The following PTPN20 variants were observed in gnomAD, a reference collection of about 807,000 sequenced individuals.
PTPN20 encodes tyrosine-protein phosphatase non-receptor type 20.
PTPN20 carries 9 observed loss-of-function variants against 35.0 expected under a neutral mutation model. The ratio of observed to expected loss-of-function variants is 0.26; its 90% CI spans 0.15 to 0.45. The LOEUF (loss-of-function observed/expected upper bound fraction) is 0.45, where lower values mean the gene tolerates loss of function less well. PTPN20 is among the 20% of genes least tolerant of loss of function. The pLI is 1.00. For synonymous variants in PTPN20, 32 were observed against 100.2 expected (o/e 0.32, Z 4.06); for missense variants, 111 against 312.5 (o/e 0.36, Z 4.86).
In PTPN20 at chr10:47,001,026, G is replaced by A. The variant is rs1314506406; in HGVS notation, c.*285G>A. The A allele has an allele frequency of 4.1e-6, 2 of 492,484 alleles. No individual in the cohort carries two copies. Among genetic ancestry groups the A allele is most frequent in the Non-Finnish European group, 7.4e-6 (2 of 271,658 alleles). The allele number at this position is 492,484 out of a possible 1,614,324, so 30.5% of individuals were successfully genotyped here. A position where few individuals can be genotyped will look rare whatever the true frequency, so the allele number is the denominator to read the frequency against. ...ATTGCAGCTTGGCTATTTGGTTGAA[G>A]GGATTACAGAGCCCAATAAAGGATT... On this transcript the variant is annotated 3_prime_UTR_variant, in exon 11 of 11. Transcript: ENST00000374339.
chr10:46,937,474 G>T (rs2042024362), intron 2 of PTPN20, among the ~76,000 whole-genome samples: 1 of 152,020 alleles, frequency 6.6e-6, no homozygotes, highest in African/African-American at 2.4e-5. Flanking sequence ...TGGCATTCCA[G>T]TTACAGGAAT....
chr10:46,933,200 GTA>G (rs1234753216), intron 2 of PTPN20, among the ~76,000 whole-genome samples: 1 of 124,152 alleles, frequency 8.1e-6, no homozygotes, highest in Non-Finnish European at 1.6e-5. Context: ...CAAAAATTGT[GTA>G]TACATAAGGT....
Position 47,000,020 on chromosome 10 carries a change from G to T in PTPN20, c.1197+46G>T, listed in dbSNP as rs782473007. 1.2e-5 allele frequency: 20 copies of T among 1,609,284 alleles called. 1 individual carries two copies. The African/African-American group carries it at 1.5e-4, about 12-fold the overall frequency. On this transcript the variant is annotated intron_variant, in intron 10 of 10. Coordinates refer to ENST00000374339, the MANE Select transcript of PTPN20 (RefSeq NM_001042357.5). ...TAATAATAAGAATAATGAATATAAA[G>T]ATTAACATTGCATAACACTTTACCA...
intron 6 of PTPN20, among the ~76,000 whole-genome samples, chr10:46,966,321 C>G (rs1407804289): frequency 1.3e-5 from 2 of 151,972 alleles, no homozygotes; most frequent in Non-Finnish European, 2.9e-5. Flanking sequence ...TGCATGTGCA[C>G]ACACATGCCT....
At chr10:47,003,126 A>G (rs1182039937), downstream of PTPN20, among the ~76,000 whole-genome samples, 2 of 152,020 alleles carry the variant, frequency 1.3e-5, no homozygotes, top group South Asian at 4.1e-4. Flanking sequence ...TGCTCACTGG[A>G]ACACTCATTT....
chr10:46,940,909 G>A (rs1429850888), intron 3 of PTPN20, among the ~76,000 whole-genome samples, 192 bp downstream of exon 3: 2 of 151,834 alleles, frequency 1.3e-5, no homozygotes, highest in Non-Finnish European at 2.9e-5. Context: ...CTAATGAATT[G>A]CATTTTCTAA....
At chr10:46,953,419 T>C (rs1295916322) in intron 5 of PTPN20, among the ~76,000 whole-genome samples, 3 of 139,138 alleles carry the variant, frequency 2.2e-5, no homozygotes, top group African/African-American at 9.2e-5. Flanking sequence ...TACTAACTTA[T>C]TGCATTCGCT....
chr10:46,926,494 A>G (rs1197281212), intron 1 of PTPN20, among the ~76,000 whole-genome samples: 1 of 151,420 alleles, frequency 6.6e-6, no homozygotes, highest in Non-Finnish European at 1.5e-5. Flanking sequence ...TTACCCTGGG[A>G]TGATGTTCAG....
intron 5 of PTPN20, among the ~76,000 whole-genome samples, chr10:46,947,163 A>T (rs1447182584): frequency 7.6e-5 from 11 of 145,068 alleles, no homozygotes; most frequent in African/African-American, 2.7e-4. Flanking sequence ...TATATATAAT[A>T]TAAATGTAAT....
intron 7 of PTPN20, among the ~76,000 whole-genome samples, chr10:46,983,001 T>A (rs1379167627): frequency 4.6e-5 from 7 of 151,814 alleles, no homozygotes; most frequent in Non-Finnish European, 7.4e-5. Context: ...GAAAGGAGAA[T>A]ATTTGTTGTG....
chr10:46,925,456 G>T (rs1396246909), intron 1 of PTPN20, among the ~76,000 whole-genome samples: 3 of 147,818 alleles, frequency 2.0e-5, no homozygotes, highest in African/African-American at 7.6e-5. Flanking sequence ...AGGTGGGGAA[G>T]GTGAGCTAGG....
intron 5 of PTPN20, among the ~76,000 whole-genome samples, chr10:46,960,581 C>T (rs1381542936): frequency 8.9e-4 from 135 of 151,800 alleles, no homozygotes; most frequent in African/African-American, 3.0e-3. Flanking sequence ...TGCCTTTTCA[C>T]ACATTGATTA....
chr10:46,928,181 G>T (rs1288608583), intron 1 of PTPN20, among the ~76,000 whole-genome samples: 1 of 151,858 alleles, frequency 6.6e-6, no homozygotes, highest in Non-Finnish European at 1.5e-5. Context: ...TTGATATAGG[G>T]TCTCAGTGCC....
intron 9 of PTPN20, among the ~76,000 whole-genome samples, chr10:46,992,122 T>C: frequency 8.8e-6 from 1 of 113,966 alleles, no homozygotes; most frequent in Non-Finnish European, 1.8e-5. Flanking sequence ...TCATTTTCAA[T>C]TTTTTTTTTT....
At chr10:46,931,857 C>G (rs1458502129) in intron 1 of PTPN20, among the ~76,000 whole-genome samples, 2 of 146,188 alleles carry the variant, frequency 1.4e-5, no homozygotes, top group Admixed American at 6.7e-5. Context: ...GTAACATGGC[C>G]TTACAGGCCC....
chr10:46,967,560 A>G (rs2051031710), intron 6 of PTPN20, among the ~76,000 whole-genome samples: 1 of 149,282 alleles, frequency 6.7e-6, no homozygotes, highest in African/African-American at 2.5e-5. Flanking sequence ...GTTTGTATAT[A>G]TTTTTTGTTT....
At chr10:46,923,042 A>G (rs1273238284) in intron 1 of PTPN20, among the ~76,000 whole-genome samples, 2 of 143,426 alleles carry the variant, frequency 1.4e-5, no homozygotes, top group Non-Finnish European at 3.0e-5. Flanking sequence ...GAATGGGTCA[A>G]GGGTCCTGGA....
chr10:46,997,617 T>TAAA (rs782678312), intron 9 of PTPN20, among the ~76,000 whole-genome samples: 1 of 115,060 alleles, frequency 8.7e-6, no homozygotes. Context: ...ATGAAGAGGA[T>TAAA]AAAAAAAAAA....
At chr10:46,937,825 TG>T (rs1455194493) in intron 2 of PTPN20, among the ~76,000 whole-genome samples, 1 of 151,798 alleles carries the variant, frequency 6.6e-6, no homozygotes, top group Non-Finnish European at 1.5e-5. Context: ...GATTTGGCTG[TG>T]GGTTATACTT....
Sources: allele counts gnomAD v4.1 joint callset (sites outside exome capture counted in the v4.1 genomes callset), GRCh38; gene constraint gnomAD v4.1.1; transcripts MANE v1.5; gene names NCBI Gene and HGNC (gene_info 2026-07-23, HGNC 2026-07-21).